IMMP2L: variants seen among roughly 807,000 people sequenced by gnomAD.
IMMP2L encodes the protein inner mitochondrial membrane peptidase subunit 2, also known as mitochondrial inner membrane protease subunit 2.
IMMP2L carries 18 observed loss-of-function variants against 19.3 expected under a neutral mutation model. The observed-to-expected ratio is 0.93, with a 90% CI of 0.64 to 1.38. IMMP2L has a LOEUF of 1.38. Ranked by LOEUF, IMMP2L falls within the 40% of genes most tolerant of loss-of-function variation. IMMP2L has a pLI of 0.00. For missense variants in IMMP2L, 233 were observed against 218.2 expected, an observed-to-expected ratio of 1.07 and a Z score of -0.43; for synonymous variants, 76 against 73.0, an observed-to-expected ratio of 1.04 and a Z score of -0.21.
intron 5 of IMMP2L, among the ~76,000 whole-genome samples, chr7:110,824,088 AC>A (rs1485749163): frequency 2.0e-5 from 3 of 152,130 alleles, no homozygotes; most frequent in Non-Finnish European, 2.9e-5. Context: ...TACATTATAA[AC>A]ATTCTCTATA....
At chr7:110,961,737 T>C (rs1343433599) in intron 4 of IMMP2L, among the ~76,000 whole-genome samples, 1 of 151,728 alleles carries the variant, frequency 6.6e-6, no homozygotes, top group African/African-American at 2.4e-5. Context: ...GGAATAAAAA[T>C]AAACTAATAA....
intron 5 of IMMP2L, among the ~76,000 whole-genome samples, chr7:110,863,886 T>G (rs994018463): frequency 1.3e-5 from 2 of 152,090 alleles, no homozygotes; most frequent in African/African-American, 2.4e-5. Context: ...GTCACACTGA[T>G]AAGCCCAATA....
chr7:111,067,991 T>C (rs956727232), intron 3 of IMMP2L, among the ~76,000 whole-genome samples: 4 of 152,140 alleles, frequency 2.6e-5, no homozygotes, highest in Admixed American at 2.6e-4. Flanking sequence ...TAGTAATCCT[T>C]CAATTAAACC....
At chr7:111,415,900 A>C (rs564694433) in intron 3 of IMMP2L, among the ~76,000 whole-genome samples, 35 of 151,936 alleles carry the variant, frequency 2.3e-4, no homozygotes, top group Admixed American at 1.4e-3. Context: ...ACAACAACAA[A>C]AAAACAGAAA....
chr7:110,776,375 G>A (rs970231497), intron 5 of IMMP2L, among the ~76,000 whole-genome samples: 20 of 152,120 alleles, frequency 1.3e-4, no homozygotes, highest in African/African-American at 4.6e-4. Context: ...GTATCTCTAC[G>A]TTCCATGAAC....
chr7:111,353,353 C>A (rs562128504), intron 3 of IMMP2L, among the ~76,000 whole-genome samples: 48 of 152,294 alleles, frequency 3.2e-4, no homozygotes, highest in Non-Finnish European at 6.6e-4. Context: ...CCCCTTCTAA[C>A]CAAGGCAACA....
chr7:111,120,153 A>G lies in IMMP2L; in HGVS notation c.240-156588T>C, dbSNP rs186180543. On this transcript the variant is annotated intron_variant, in intron 3 of 5. Coordinates refer to ENST00000405709, the MANE Select transcript of IMMP2L (RefSeq NM_032549.4). Reference sequence around the variant, plus strand: ...TGTTGGAAATGATTATATTTCAAAGACACTGGTATAGATTTAAAAGAAAAA... The same window carrying G: ...TGTTGGAAATGATTATATTTCAAAGGCACTGGTATAGATTTAAAAGAAAAA... Among the ~76,000 whole-genome samples, 143 of 152,268 alleles carry G rather than the reference A, an allele frequency of 9.4e-4. 1 individual carries two copies. The highest frequency in any genetic ancestry group is 3.3e-3 in the African/African-American group (136 of 41,554).
chr7:110,946,571 A>G (rs1003069244), intron 4 of IMMP2L, among the ~76,000 whole-genome samples: 2 of 152,300 alleles, frequency 1.3e-5, no homozygotes, highest in East Asian at 1.9e-4. Flanking sequence ...ATAAGATTAT[A>G]TAACTTAAAA....
At chr7:111,060,757 T>A (rs148501308) in intron 3 of IMMP2L, among the ~76,000 whole-genome samples, 4 of 152,318 alleles carry the variant, frequency 2.6e-5, no homozygotes, top group African/African-American at 9.6e-5. Flanking sequence ...TTATTATGCA[T>A]CAATATGGAT....
intron 3 of IMMP2L, among the ~76,000 whole-genome samples, chr7:111,166,931 C>T (rs1193436701): frequency 6.6e-6 from 1 of 151,906 alleles, no homozygotes; most frequent in Non-Finnish European, 1.5e-5. Context: ...ATCTTGAGGT[C>T]CTTTAAATTG....
chr7:111,523,616 T>C (rs1030546755), intron 1 of IMMP2L, among the ~76,000 whole-genome samples: 6 of 152,116 alleles, frequency 3.9e-5, no homozygotes, highest in South Asian at 4.1e-4. Context: ...ATATTGCACA[T>C]AACATTCACC....
chr7:111,488,102 T>G (rs1268810933), intron 2 of IMMP2L, among the ~76,000 whole-genome samples: 1 of 152,110 alleles, frequency 6.6e-6, no homozygotes, highest in Non-Finnish European at 1.5e-5. Flanking sequence ...ACAAAGCCAA[T>G]GAATAACAAG....
chr7:110,731,804 A>G (rs1796292227), intron 5 of IMMP2L, among the ~76,000 whole-genome samples: 1 of 152,192 alleles, frequency 6.6e-6, no homozygotes, highest in South Asian at 2.1e-4. Context: ...TGAAGTCGAT[A>G]AAAGGGACTT....
At chr7:111,441,757 G>T (rs1031077175) in intron 3 of IMMP2L, among the ~76,000 whole-genome samples, 1 of 149,644 alleles carries the variant, frequency 6.7e-6, no homozygotes, top group African/African-American at 2.5e-5. Context: ...TATCTGCAAA[G>T]TGCAATGAGA....
At chr7:110,721,485 T>C (rs1401634445) in intron 5 of IMMP2L, among the ~76,000 whole-genome samples, 1 of 152,040 alleles carries the variant, frequency 6.6e-6, no homozygotes, top group Admixed American at 6.6e-5. Flanking sequence ...AAATATCATA[T>C]AGGTTTTCTT....
intron 3 of IMMP2L, among the ~76,000 whole-genome samples, chr7:111,004,621 G>A (rs937933085): frequency 1.4e-4 from 22 of 152,024 alleles, no homozygotes; most frequent in African/African-American, 5.3e-4. Context: ...TAGAATTAAA[G>A]CAATATCATG....
intron 3 of IMMP2L, among the ~76,000 whole-genome samples, chr7:111,384,886 A>G (rs1468885935): frequency 6.6e-6 from 1 of 152,144 alleles, no homozygotes; most frequent in Non-Finnish European, 1.5e-5. Context: ...TTCTAACTTG[A>G]TTAATAATGA....
intron 3 of IMMP2L, among the ~76,000 whole-genome samples, chr7:111,220,100 T>C (rs1812356924): frequency 6.6e-6 from 1 of 152,052 alleles, no homozygotes; most frequent in South Asian, 2.1e-4. Flanking sequence ...TGTTTGCCAT[T>C]TGAAACCTAA....
Position 111,220,323 on chromosome 7 carries a change from G to A in IMMP2L, c.240-256758C>T, listed in dbSNP as rs572734929. Among the ~76,000 whole-genome samples the A allele has an allele frequency of 1.6e-4, 25 of 151,936 alleles. No individual in the cohort carries two copies. In the South Asian group the frequency reaches 5.0e-3, roughly 30 times the overall value. On this transcript the variant is annotated intron_variant, in intron 3 of 5. Transcript: ENST00000405709. ...AAAGATGAAGAATAAAACATTGTTT[G>A]GTTACCAGACAAAAAAATAAATCCT...
Sources: gnomAD v4.1 joint callset for allele counts (sites outside exome capture counted in the v4.1 genomes callset) on GRCh38, gnomAD v4.1.1 for gene constraint, MANE v1.5 for transcripts, NCBI Gene and HGNC (gene_info 2026-07-23, HGNC 2026-07-21) for gene names.